The following DMD variants were observed in gnomAD, a reference collection of about 807,000 sequenced individuals.
The protein encoded by DMD is dystrophin.
In DMD, 63 loss-of-function variants were observed where a neutral mutation model predicts 330.1. The observed-to-expected ratio is 0.19, with a 90% CI of 0.16 to 0.24. The LOEUF (loss-of-function observed/expected upper bound fraction) is 0.24. Among genes scored for constraint, DMD ranks in the 10% least tolerant of loss-of-function variants. DMD has a pLI of 1.00. For synonymous variants in DMD, 1,223 were observed against 959.8 expected, an observed-to-expected ratio of 1.27 and a Z score of -5.07; for missense variants, 3,344 against 2,684.1, an observed-to-expected ratio of 1.25 and a Z score of -5.43.
At chrX:32,654,057 C>A (rs1222758970) in intron 9 of DMD, among the ~76,000 whole-genome samples, 3 of 111,713 alleles carry the variant, frequency 2.7e-5, no homozygotes, top group Non-Finnish European at 5.6e-5. Flanking sequence ...TGGGCTGAGA[C>A]AATGGGGTTT....
chrX:33,187,377 A>G (rs889980609), intron 1 of DMD, among the ~76,000 whole-genome samples: 2 of 112,723 alleles, frequency 1.8e-5, no homozygotes, highest in Admixed American at 1.9e-4. Context: ...AATGATCTTA[A>G]GTGATAGTAA....
chrX:32,783,135 GTATA>G (rs200400820), intron 7 of DMD, among the ~76,000 whole-genome samples: 8 of 95,391 alleles, frequency 8.4e-5, no homozygotes, highest in Admixed American at 2.3e-4. Context: ...ATACATATAT[GTATA>G]TATATATACC....
rs779386384 is a variant in DMD at position 33,015,206 on chromosome X, C to T, written c.93+4933G>A. ...ATATAAATCATTCTATTATAAGACA[C>T]GCATACATATGTTCATTGCAGCACT... On this transcript the variant is annotated intron_variant, in intron 2 of 78. Transcript: ENST00000357033. Among the ~76,000 whole-genome samples, 20 of 109,879 alleles carry T rather than the reference C, an allele frequency of 1.8e-4. No homozygotes were observed. In the East Asian group the frequency reaches 2.6e-3, roughly 14 times the overall value.
At chrX:32,876,373 CTAGT>C (rs1220344929) in intron 2 of DMD, among the ~76,000 whole-genome samples, 1 of 111,999 alleles carries the variant, frequency 8.9e-6, no homozygotes, top group Non-Finnish European at 1.9e-5. Flanking sequence ...TGTAGTACAA[CTAGT>C]TATTTTCCTA....
At chrX:31,242,262 C>CAAAAAAAAAAAAAAAAAAAAA (rs72176984) in intron 63 of DMD, among the ~76,000 whole-genome samples, 1 of 24,643 alleles carries the variant, frequency 4.1e-5, no homozygotes, top group Non-Finnish European at 7.7e-5. Context: ...TCTCAAAAAG[C>CAAAAAAAAAAAAAAAAAAAAA]AAAAAAAAAA....
intron 57 of DMD, among the ~76,000 whole-genome samples, chrX:31,492,264 GTTCT>G (rs755269103): frequency 1.8e-5 from 2 of 112,447 alleles, no homozygotes; most frequent in East Asian, 5.6e-4. Flanking sequence ...TACTGATTCT[GTTCT>G]TTTTCTCTTT....
At chrX:31,694,617 C>CATATATATGTATATAT (rs1556821029) in intron 52 of DMD, among the ~76,000 whole-genome samples, 1 of 58,168 alleles carries the variant, frequency 1.7e-5, no homozygotes, top group African/African-American at 7.5e-5. Flanking sequence ...TGACAAACAG[C>CATATATATGTATATAT]ATATATATAT....
At chrX:33,086,079 C>T (rs763744825) in intron 1 of DMD, among the ~76,000 whole-genome samples, 5 of 111,928 alleles carry the variant, frequency 4.5e-5, no homozygotes, top group South Asian at 7.3e-4. Flanking sequence ...TCACAGAAGG[C>T]CTGAAGCCTA....
rs747092164 is a variant in DMD, at chrX:32,491,266, G to A, written c.2622+11C>T. The A allele has an allele frequency of 2.5e-6, 3 of 1,211,432 alleles. No individual in the cohort carries two copies. Among genetic ancestry groups the A allele is most frequent in the Admixed American group, 2.2e-5 (1 of 46,050 alleles). On this transcript the variant is annotated intron_variant, in intron 20 of 78. Transcript: ENST00000357033. The stretch of plus-strand genomic sequence containing the variant: ...GATTATGCTCCAAATGGAAGGAGAA[G>A]AGATTCTTACCTTACAAATTTTTAA...
intron 43 of DMD, among the ~76,000 whole-genome samples, chrX:32,233,642 T>G (rs2097177215): frequency 9.8e-6 from 1 of 101,713 alleles, no homozygotes; most frequent in Non-Finnish European, 2.0e-5. Context: ...TTTATTTATT[T>G]ATTTATTGAG....
intron 44 of DMD, among the ~76,000 whole-genome samples, chrX:32,027,179 C>G (rs965740230): frequency 1.9e-5 from 2 of 103,466 alleles, no homozygotes; most frequent in Admixed American, 1.0e-4. Flanking sequence ...CACACACACA[C>G]ACACAGAGAG....
rs747263406 is a variant in DMD, at chrX:32,468,609, T to C, written c.3051A>G (p.Lys1017=). Reference sequence around the variant, plus strand: ...CAATTTCTTCAAATTCTGATTGATATTTCCGGCTAATTTCAGAGGGCGCTT... The same window carrying C: ...CAATTTCTTCAAATTCTGATTGATACTTCCGGCTAATTTCAGAGGGCGCTT... ...SKKAPSEISR[K]YQSEFEEIEG... The change falls in exon 23 of 79, where the codon AAA becomes AAG. Residue 1017 remains lysine (K), a synonymous_variant. Coordinates refer to ENST00000357033, the MANE Select transcript of DMD (RefSeq NM_004006.3). 5.8e-6 allele frequency: 7 copies of C among 1,209,539 alleles called. No individual in the cohort carries two copies. In the East Asian group the frequency reaches 1.2e-4, roughly 20 times the overall value.
At chrX:32,623,007 C>T (rs542315784) in intron 11 of DMD, among the ~76,000 whole-genome samples, 2 of 111,677 alleles carry the variant, frequency 1.8e-5, no homozygotes, top group Admixed American at 1.9e-4. Flanking sequence ...GTTACTACTG[C>T]TAAAACTCAG....
intron 55 of DMD, among the ~76,000 whole-genome samples, chrX:31,622,293 CGACA>C (rs907292493): frequency 1.2e-4 from 13 of 109,208 alleles, no homozygotes; most frequent in Non-Finnish European, 2.1e-4. Context: ...ATTTCCACAC[CGACA>C]GACACACACA....
intron 1 of DMD, among the ~76,000 whole-genome samples, chrX:33,335,495 A>G (rs1013502090): frequency 1.8e-5 from 2 of 110,723 alleles, no homozygotes; most frequent in Non-Finnish European, 3.8e-5. Flanking sequence ...TACTTGCCAG[A>G]TTGATTTTAT....
At chrX:31,726,335 C>G (rs1341638951) in intron 52 of DMD, among the ~76,000 whole-genome samples, 1 of 111,980 alleles carries the variant, frequency 8.9e-6, no homozygotes, top group African/African-American at 3.2e-5. Flanking sequence ...ACTGCAATAA[C>G]TATGTATAGA....
At chrX:33,010,419 T>C (rs2093679214) in intron 2 of DMD, among the ~76,000 whole-genome samples, 1 of 108,917 alleles carries the variant, frequency 9.2e-6, no homozygotes, top group African/African-American at 3.3e-5. Flanking sequence ...GCCTCTCAAA[T>C]CCAAAAATCC....
intron 55 of DMD, among the ~76,000 whole-genome samples, chrX:31,573,500 A>G (rs2147965895): frequency 8.9e-6 from 1 of 111,754 alleles, no homozygotes; most frequent in African/African-American, 3.2e-5. Context: ...ATATGTTCAT[A>G]CAAGGTTGTA....
intron 2 of DMD, among the ~76,000 whole-genome samples, chrX:32,994,508 C>T (rs1168657092): frequency 3.6e-5 from 4 of 111,456 alleles, no homozygotes; most frequent in African/African-American, 1.3e-4. Flanking sequence ...CAGTACGTTG[C>T]TTTAAGAATT....
Sources: allele counts gnomAD v4.1 joint callset (sites outside exome capture counted in the v4.1 genomes callset), GRCh38; gene constraint gnomAD v4.1.1; transcripts MANE v1.5; gene names NCBI Gene and HGNC (gene_info 2026-07-23, HGNC 2026-07-21).